The following KIF11 variants were observed in gnomAD, a reference collection of about 807,000 sequenced individuals.
KIF11 encodes kinesin-like protein KIF11.
Under a neutral mutation model 121.0 loss-of-function variants are expected in KIF11, and 9 were observed. That is an observed-to-expected ratio of 0.07 (90% confidence interval 0.04 to 0.13). The LOEUF (loss-of-function observed/expected upper bound fraction) is 0.13, where lower values mean the gene tolerates loss of function less well. KIF11 is among the 10% of genes least tolerant of loss of function. The probability of loss-of-function intolerance (pLI) is 1.00; values close to 1 mark genes in which losing one functional copy is unlikely to be tolerated. For missense variants in KIF11, 846 were observed against 1,217.5 expected (o/e 0.69, Z 4.54); for synonymous variants, 408 against 421.0 (o/e 0.97, Z 0.38).
intron 16 of KIF11, among the ~76,000 whole-genome samples, chr10:92,639,061 T>A (rs1025299659): frequency 2.6e-5 from 4 of 152,256 alleles, no homozygotes; most frequent in African/African-American, 4.8e-5. Flanking sequence ...CTAGGTTCTG[T>A]AACATTTTTT....
chr10:92,602,930 A>G (rs968083166), intron 1 of KIF11, among the ~76,000 whole-genome samples: 10 of 150,940 alleles, frequency 6.6e-5, no homozygotes, highest in African/African-American at 2.4e-4. Context: ...ATCTCGGCTC[A>G]CTGCAACCTC....
At chr10:92,599,420 G>A (rs1018289622) in intron 1 of KIF11, among the ~76,000 whole-genome samples, 28 of 150,830 alleles carry the variant, frequency 1.9e-4, no homozygotes, top group Admixed American at 5.9e-4. Context: ...AGCTACTTAG[G>A]AGGCTGAGGC....
At position 92,652,234 on chromosome 10, in the gene KIF11, G is replaced by A. The variant is rs115759319; in HGVS notation, c.3040-1431G>A. ...TGGCTCACCACAATCTCCGCCTCCC[G>A]GGTTCTAGCGATTCTCTTGCCTCAT... On this transcript the variant is annotated intron_variant, in intron 21 of 21. Coordinates refer to ENST00000260731, the MANE Select transcript of KIF11 (RefSeq NM_004523.4). Among the ~76,000 whole-genome samples, 696 of 151,868 alleles carry A rather than the reference G, an allele frequency of 4.6e-3. 3 individuals are homozygous for A. The highest frequency in any genetic ancestry group is 0.016 in the African/African-American group (652 of 41,410).
chr10:92,643,599 C>G (rs1844889486), intron 17 of KIF11, among the ~76,000 whole-genome samples: 1 of 148,716 alleles, frequency 6.7e-6, no homozygotes, highest in Non-Finnish European at 1.5e-5. Context: ...GTCTGTCACC[C>G]AGGCTGGAGT....
In KIF11 at chr10:92,632,666, A is replaced by T; in HGVS notation, c.1675A>T (p.Met559Leu). The change falls in exon 13 of 22, where the codon ATG (methionine) becomes TTG (leucine). Residue 559 changes from methionine (M) to leucine (L), a missense_variant. Coordinates refer to ENST00000260731, the MANE Select transcript of KIF11 (RefSeq NM_004523.4). ...GGATGGCAGCTCAAAGCAAAAGGCC[A>T]TGCTAGAAGTACATAAGACCTTATT... The part of the protein sequence containing the change: ...IKDGSSKQKA[M>L]LEVHKTLFGN... The T allele has an allele frequency of 6.2e-7, 1 of 1,611,134 alleles. No individual in the cohort carries two copies. Among genetic ancestry groups the T allele is most frequent in the East Asian group, 2.2e-5 (1 of 44,844 alleles).
chr10:92,624,101 T>G (rs12772554), intron 10 of KIF11, among the ~76,000 whole-genome samples: 8,776 of 152,192 alleles, frequency 0.058, 335 homozygotes, highest in Middle Eastern at 0.088. Context: ...TGTCCATGTC[T>G]GCTCAGGGTT....
At chr10:92,643,320 T>C (rs779264083) in intron 17 of KIF11, among the ~76,000 whole-genome samples, 7 of 152,212 alleles carry the variant, frequency 4.6e-5, no homozygotes, top group Admixed American at 1.3e-4. Flanking sequence ...ATTTAAAGTA[T>C]ACATTTTAAG....
chr10:92,609,566 C>T (rs1032967752), intron 6 of KIF11, 57 bp downstream of exon 6: 3 of 1,539,972 alleles, frequency 1.9e-6, no homozygotes, highest in Middle Eastern at 1.7e-4. Flanking sequence ...GAATTAGGAA[C>T]TTGGAGAAAG....
chr10:92,634,878 A>G (rs1318129940), intron 14 of KIF11, among the ~76,000 whole-genome samples: 2 of 152,228 alleles, frequency 1.3e-5, no homozygotes, highest in Non-Finnish European at 2.9e-5. Context: ...TGATAGTAAT[A>G]ATGGTGCAAG....
chr10:92,639,380 G>C (rs1349255402), intron 16 of KIF11, among the ~76,000 whole-genome samples: 1 of 152,088 alleles, frequency 6.6e-6, no homozygotes, highest in African/African-American at 2.4e-5. Flanking sequence ...TTGAGGCTAG[G>C]AGTTCAAGAC....
Position 92,651,520 on chromosome 10 carries a change from T to A in KIF11, c.3039+1003T>A, listed in dbSNP as rs1564719305. ...CTGGCTAATTTTGTTTTTTTTTTTT[T>A]TTTTTTTTTTTTTTTTTTTTTTTTT... On this transcript the variant is annotated intron_variant, in intron 21 of 21. Transcript: ENST00000260731. Among the ~76,000 whole-genome samples the A allele has an allele frequency of 5.2e-4, 38 of 73,716 alleles. 4 individuals are homozygous for A. Among genetic ancestry groups the A allele is most frequent in the African/African-American group, 2.0e-3 (21 of 10,352 alleles). The allele number at this position is 73,716 out of a possible 152,430, so 48.4% of individuals were successfully genotyped here. A position where few individuals can be genotyped will look rare whatever the true frequency, so the allele number is the denominator to read the frequency against.
At chr10:92,644,038 C>G (rs1378042244) in intron 17 of KIF11, among the ~76,000 whole-genome samples, 3 of 152,094 alleles carry the variant, frequency 2.0e-5, no homozygotes, top group Non-Finnish European at 4.4e-5. Flanking sequence ...GATTTCTAGG[C>G]CATTCCATAG....
chr10:92,609,834 T>C (rs1028643333), intron 6 of KIF11, among the ~76,000 whole-genome samples: 1 of 152,156 alleles, frequency 6.6e-6, no homozygotes, highest in African/African-American at 2.4e-5. Flanking sequence ...CCCACCGGGT[T>C]GAAGCAATTC....
At position 92,609,052 on chromosome 10, in the gene KIF11, T is replaced by C. The variant is rs751494051; in HGVS notation, c.420T>C (p.Leu140=). 1 of 1,590,884 alleles carries C rather than the reference T, an allele frequency of 6.3e-7. No individual in the cohort carries two copies. The highest frequency in any genetic ancestry group is 8.5e-7 in the Non-Finnish European group (1 of 1,169,938). The change falls in exon 5 of 22, where the codon CTT becomes CTC. Residue 140 remains leucine, a synonymous_variant. Coordinates refer to ENST00000260731, the MANE Select transcript of KIF11 (RefSeq NM_004523.4). ...TGGCTGGTATAATTCCACGTACCCT[T>C]CATCAAATTTTTGAGAAACTTACTG... is the stretch of plus-strand genomic sequence containing the variant. ...DPLAGIIPRT[L]HQIFEKLTDN...
chr10:92,649,776 T>C, intron 19 of KIF11, 59 bp from the exon 20 acceptor site: 1 of 1,232,326 alleles, frequency 8.1e-7, no homozygotes, highest in Non-Finnish European at 1.1e-6. Context: ...TTTAGGTTTT[T>C]TTAAAAATAT....
intron 17 of KIF11, among the ~76,000 whole-genome samples, chr10:92,643,555 A>ATTTTTTT (rs368633432): frequency 8.1e-6 from 1 of 123,460 alleles, no homozygotes; most frequent in African/African-American, 3.3e-5. Flanking sequence ...TATCTACTAG[A>ATTTTTTT]TTTTTTTTTT....
chr10:92,604,595 A>G (rs1844409407), intron 1 of KIF11, among the ~76,000 whole-genome samples: 2 of 152,166 alleles, frequency 1.3e-5, no homozygotes. Flanking sequence ...AGGATCACAG[A>G]TTTGGTCTTC....
Position 92,645,640 on chromosome 10 carries a change from G to A in KIF11, c.2545G>A (p.Glu849Lys). 1 of 1,581,080 alleles carries A rather than the reference G, an allele frequency of 6.3e-7. No homozygotes were observed. Among genetic ancestry groups the A allele is most frequent in the East Asian group, 2.3e-5 (1 of 44,340 alleles). The change falls in exon 18 of 22, where the codon GAG (glutamate) becomes AAG (lysine). Residue 849 changes from glutamate to lysine, a missense_variant and splice_region_variant. Glu to Lys is a moderately conservative substitution (Grantham distance 56, BLOSUM62 1). Transcript: ENST00000260731. ...EREQELHNLL[E>K]VVSQCCEASS... ...GGAACAGGAACTTCACAACTTATTG[G>A]AGGTAATAACTTTGTAAGTGGAACT...
At chr10:92,641,857 T>C (rs1167737834) in intron 17 of KIF11, among the ~76,000 whole-genome samples, 1 of 152,200 alleles carries the variant, frequency 6.6e-6, no homozygotes, top group Non-Finnish European at 1.5e-5. Flanking sequence ...TTCTCTTTGT[T>C]GTTCACATTG....
Sources: allele counts gnomAD v4.1 joint callset (sites outside exome capture counted in the v4.1 genomes callset), GRCh38; gene constraint gnomAD v4.1.1; transcripts MANE v1.5; gene names NCBI Gene and HGNC (gene_info 2026-07-23, HGNC 2026-07-21).